Variants in SCAF1 observed in about 807,000 individuals in gnomAD.
SCAF1 encodes the protein SR-related CTD associated factor 1.
Under a neutral mutation model 91.2 loss-of-function variants are expected in SCAF1, and 28 were observed. The observed-to-expected ratio is 0.31, with a 90% CI of 0.23 to 0.42. SCAF1 has a LOEUF of 0.42. SCAF1 is among the 10% of genes least tolerant of loss of function. The probability of loss-of-function intolerance (pLI) is 1.00; values close to 1 mark genes in which losing one functional copy is unlikely to be tolerated. For synonymous variants in SCAF1, 1,036 were observed against 833.7 expected, an observed-to-expected ratio of 1.24 and a Z score of -4.18; for missense variants, 1,893 against 1,872.1, an observed-to-expected ratio of 1.01 and a Z score of -0.21.
At position 49,642,670 on chromosome 19, in the gene SCAF1, C is replaced by A. The variant is rs1220970704; in HGVS notation, c.-7+428C>A. The A allele has an allele frequency of 6.6e-6, 1 of 152,320 alleles. No individual in the cohort carries two copies. Among genetic ancestry groups the A allele is most frequent in the Non-Finnish European group, 1.5e-5 (1 of 68,116 alleles). 9.4% of individuals were successfully genotyped at this position (152,320 alleles called of 1,614,324 possible). A position where few individuals can be genotyped will look rare whatever the true frequency, so the allele number is the denominator to read the frequency against. On this transcript the variant is annotated intron_variant, in intron 1 of 10. Transcript: ENST00000360565. This position sits in a 1 kb window ranked among gnomAD's most constrained non-coding sequence, Gnocchi z 4.0. The stretch of plus-strand genomic sequence containing the variant: ...CAGGGGTGAAGGAGGGTCTGCAAGA[C>A]CTGAAGAGTATCTTCAGAGCCATCT...
chr19:49,649,867 A>G (rs948735287), intron 6 of SCAF1, among the ~76,000 whole-genome samples: 7 of 152,172 alleles, frequency 4.6e-5, no homozygotes, highest in African/African-American at 1.7e-4. Flanking sequence ...ACATTGATCC[A>G]CTTGCCTGTG....
rs1568445133 is a variant in SCAF1, at chr19:49,653,284, CGGG to C, written c.2897_2899del (p.Gly966del). 1 of 1,469,518 alleles carries C rather than the reference CGGG, an allele frequency of 6.8e-7. No homozygotes were observed. The highest frequency in any genetic ancestry group is 2.6e-5 in the Admixed American group (1 of 38,230). 91.0% of individuals were successfully genotyped at this position (1,469,518 alleles called of 1,614,324 possible). A position where few individuals can be genotyped will look rare whatever the true frequency, so the allele number is the denominator to read the frequency against. ...AGGGGGCGGAGGAGACTTCCTGGTC[CGGG>C]GAGGAGCGGGCAGCCAAGGTTCCTA... On this transcript the variant is annotated inframe_deletion, in exon 7 of 11. Coordinates refer to ENST00000360565, the MANE Select transcript of SCAF1 (RefSeq NM_021228.3).
In SCAF1 at chr19:49,652,861, C is replaced by G. The variant is rs367769230; in HGVS notation, c.2472C>G (p.Ser824=). The part of the protein sequence containing the change: ...SSGSGSSSSS[S]SCSSRKVKLQ... Reference sequence around the variant, plus strand: ...GCTCAGGCTCTTCATCCTCGTCGTCCTCCTGTTCTTCCCGGAAGGTGAAGC... The same window carrying G: ...GCTCAGGCTCTTCATCCTCGTCGTCGTCCTGTTCTTCCCGGAAGGTGAAGC... The change falls in exon 7 of 11, where the codon TCC becomes TCG. Residue 824 remains serine (S), a synonymous_variant. Coordinates refer to ENST00000360565, the MANE Select transcript of SCAF1 (RefSeq NM_021228.3). 80 of 1,613,948 alleles carry G rather than the reference C, an allele frequency of 5.0e-5. No individual in the cohort carries two copies. Among genetic ancestry groups the G allele is most frequent in the Middle Eastern group, 1.6e-4 (1 of 6,084 alleles).
chr19:49,649,890 G>A (rs940188214), intron 6 of SCAF1, among the ~76,000 whole-genome samples: 1 of 152,204 alleles, frequency 6.6e-6, no homozygotes, highest in African/African-American at 2.4e-5. Flanking sequence ...CATGTGGCTG[G>A]TGAGGGCCAG....
chr19:49,654,515 C>T (rs2081126082), intron 8 of SCAF1, 84 bp downstream of exon 8: 2 of 1,436,248 alleles, frequency 1.4e-6, no homozygotes, highest in African/African-American at 2.8e-5. Context: ...GGCCTGGCAG[C>T]TCTGGGGCAA....
upstream of SCAF1, among the ~76,000 whole-genome samples, chr19:49,641,578 A>G (rs2081026303): frequency 1.3e-5 from 2 of 152,082 alleles, no homozygotes; most frequent in Non-Finnish European, 2.9e-5. Flanking sequence ...CGGCCTCCCA[A>G]AGTGCTGGGA....
At position 49,646,013 on chromosome 19, in the gene SCAF1, C is replaced by T; in HGVS notation, c.167-95C>T. On this transcript the variant is annotated intron_variant, in intron 3 of 10. Coordinates refer to ENST00000360565, the MANE Select transcript of SCAF1 (RefSeq NM_021228.3). This position sits in a 1 kb window ranked among gnomAD's most constrained non-coding sequence, Gnocchi z 5.6. ...GAGAGCATGCGGGAGGCTGGTTCCG[C>T]TGTCAGGAACTAGATCAAGCTCCTC... 4.3e-6 allele frequency: 5 copies of T among 1,165,500 alleles called. No homozygotes were observed. Among genetic ancestry groups the T allele is most frequent in the Non-Finnish European group, 6.3e-6 (5 of 790,482 alleles). The allele number at this position is 1,165,500 out of a possible 1,614,324, so 72.2% of individuals were successfully genotyped here. A position where few individuals can be genotyped will look rare whatever the true frequency, so the allele number is the denominator to read the frequency against.
chr19:49,651,586 G>T lies in SCAF1; in HGVS notation c.1197G>T (p.Pro399=). 6.5e-7 allele frequency: 1 copy of T among 1,542,674 alleles called. No individual in the cohort carries two copies. The highest frequency in any genetic ancestry group is 8.7e-7 in the Non-Finnish European group (1 of 1,145,050). Reference sequence around the variant, plus strand: ...TCGAGGAAGGGGAGATCGTCCAGCCGGAGGAGGAGCCCAGGCTGGCGCTGT... The same window carrying T: ...TCGAGGAAGGGGAGATCGTCCAGCCTGAGGAGGAGCCCAGGCTGGCGCTGT... ...SEIEEGEIVQ[P]EEEPRLALSL... Residue 399 remains proline (P), a synonymous_variant, in exon 7 of 11, where the codon CCG becomes CCT. Transcript: ENST00000360565.
At chr19:49,657,314 C>T (rs1236012349) in intron 9 of SCAF1, among the ~76,000 whole-genome samples, 1 of 152,014 alleles carries the variant, frequency 6.6e-6, no homozygotes, top group Non-Finnish European at 1.5e-5. Context: ...CCCCTCCATC[C>T]CCTGGGTGAC....
Position 49,646,055 on chromosome 19 carries a change from A to G in SCAF1, c.167-53A>G. On this transcript the variant is annotated intron_variant, in intron 3 of 10. Coordinates refer to ENST00000360565, the MANE Select transcript of SCAF1 (RefSeq NM_021228.3). The surrounding 1 kb of genome is among the most constrained non-coding windows in gnomAD (Gnocchi z 5.6). Reference sequence around the variant, plus strand: ...AAGCTCCTCTTTCCTCTACCCCGCAAGTCTCTGCAGCAAGTCCCCTGTGTC... The same window carrying G: ...AAGCTCCTCTTTCCTCTACCCCGCAGGTCTCTGCAGCAAGTCCCCTGTGTC... 6.6e-7 allele frequency: 1 copy of G among 1,516,670 alleles called. No homozygotes were observed. The highest frequency in any genetic ancestry group is 9.1e-7 in the Non-Finnish European group (1 of 1,095,260). 94.0% of individuals were successfully genotyped at this position (1,516,670 alleles called of 1,614,324 possible). A position where few individuals can be genotyped will look rare whatever the true frequency, so the allele number is the denominator to read the frequency against.
Position 49,651,779 on chromosome 19 carries a change from G to C in SCAF1, c.1390G>C (p.Gly464Arg), listed in dbSNP as rs2081092711. The part of the protein sequence containing the change: ...DGEGALQVDL[G>R]EPAPAPPAAD... ...CGAGGGCGCCCTGCAGGTGGACCTA[G>C]GGGAGCCGGCTCCCGCGCCGCCCGC... The change falls in exon 7 of 11, where the codon GGG becomes CGG. Residue 464 changes from glycine (G) to arginine (R), a missense_variant. Around this residue, in one of 5 missense-constraint regions of SCAF1, gnomAD observed 1,436 missense variants for 1,306.8 expected, o/e 1.10. Transcript: ENST00000360565. 7.7e-7 allele frequency: 1 copy of C among 1,301,318 alleles called. No individual in the cohort carries two copies. The highest frequency in any genetic ancestry group is 9.7e-7 in the Non-Finnish European group (1 of 1,028,280). 80.6% of individuals were successfully genotyped at this position (1,301,318 alleles called of 1,614,324 possible).
Position 49,651,420 on chromosome 19 carries a change from C to G in SCAF1, c.1031C>G (p.Ala344Gly), listed in dbSNP as rs1471704974. The G allele has an allele frequency of 6.2e-7, 1 of 1,605,008 alleles. No homozygotes were observed. The highest frequency in any genetic ancestry group is 1.7e-5 in the Admixed American group (1 of 59,380). The change falls in exon 7 of 11, where the codon GCT becomes GGT. Residue 344 changes from alanine to glycine, a missense_variant. Physicochemically the swap from Ala to Gly is moderately conservative, Grantham distance 60. Transcript: ENST00000360565. ...CCGCCCCAGGTGGACTCCACCCGGG[C>G]TGATGGAGCCATGCGCCGGCGGGTC... ...GTPPQVDSTR[A>G]DGAMRRRVFV...
Position 49,652,755 on chromosome 19 carries a change from A to T in SCAF1, c.2366A>T (p.Asp789Val), listed in dbSNP as rs766663263. Residue 789 changes from aspartate to valine, a missense_variant, in exon 7 of 11, where the codon GAC becomes GTC. Physicochemically the swap from Asp to Val is radical, Grantham distance 152. This residue lies in a region of SCAF1 where 1,436 missense variants were observed against 1,306.8 expected (regional missense o/e 1.10). Transcript: ENST00000360565. ...DRDRDRDRDR[D>V]RSSKKARPPK... ...GACAGGGACAGAGATAGGGACAGGG[A>T]CAGGTCATCCAAGAAGGCCCGGCCC... 10 of 1,611,086 alleles carry T rather than the reference A, an allele frequency of 6.2e-6. No homozygotes were observed. Among genetic ancestry groups the T allele is most frequent in the Non-Finnish European group, 8.5e-6 (10 of 1,178,990 alleles).
chr19:49,650,925 C>T lies in SCAF1; in HGVS notation c.536C>T (p.Thr179Met), dbSNP rs752542524. The T allele has an allele frequency of 1.1e-5, 17 of 1,606,704 alleles. No individual in the cohort carries two copies. The highest frequency in any genetic ancestry group is 1.3e-5 in the African/African-American group (1 of 74,712). The stretch of plus-strand genomic sequence containing the variant: ...TGTGCCCGTCACCTCACCTTGGGCA[C>T]GGGAGACGGGGGCCCTGCCCCACCC... ...PTCARHLTLG[T>M]GDGGPAPPPA... Residue 179 changes from threonine (T) to methionine (M), a missense_variant, in exon 7 of 11, where the codon ACG becomes ATG. This residue lies in a region of SCAF1 where 270 missense variants were observed against 292.5 expected (regional missense o/e 0.92). Transcript: ENST00000360565.
At position 49,646,577 on chromosome 19, in the gene SCAF1, G is replaced by C. The variant is rs746761226; in HGVS notation, c.313G>C (p.Asp105His). Residue 105 changes from aspartate to histidine, a missense_variant, in exon 5 of 11, where the codon GAT becomes CAT. Transcript: ENST00000360565. This position sits in a 1 kb window ranked among gnomAD's most constrained non-coding sequence, Gnocchi z 5.6. The part of the protein sequence containing the change: ...SFLAGLVSVL[D>H]PPDTWVPSRL... ...CCTCGCAGGGCTGGTGAGTGTCCTG[G>C]ATCCCCCGGATACCTGGGTTCCCAG... 49 of 1,614,006 alleles carry C rather than the reference G, an allele frequency of 3.0e-5. No individual in the cohort carries two copies. Among genetic ancestry groups the C allele is most frequent in the Non-Finnish European group, 4.2e-5 (49 of 1,180,038 alleles).
In SCAF1 at chr19:49,658,454, G is replaced by GGCTCCACC; in HGVS notation, c.*56_*63dup. On this transcript the variant is annotated 3_prime_UTR_variant, in exon 11 of 11. Transcript: ENST00000360565. The stretch of plus-strand genomic sequence containing the variant: ...TCTTTGAAACTCTGGACGTATTTAT[G>GGCTCCACC]GCTCCACCTCCCCACCTCCCTCCCC... The GGCTCCACC allele has an allele frequency of 1.0e-6, 1 of 985,222 alleles. No homozygotes were observed. The highest frequency in any genetic ancestry group is 1.5e-6 in the Non-Finnish European group (1 of 671,986). The allele number at this position is 985,222 out of a possible 1,614,324, so 61.0% of individuals were successfully genotyped here.
rs1424146574 is a variant in SCAF1 at position 49,652,279 on chromosome 19, C to G, written c.1890C>G (p.His630Gln). The change falls in exon 7 of 11, where the codon CAC (histidine) becomes CAG (glutamine). Residue 630 changes from histidine to glutamine, a missense_variant. Coordinates refer to ENST00000360565, the MANE Select transcript of SCAF1 (RefSeq NM_021228.3). ...SSSSSSRRER[H>Q]RGKHRDGGGS... ...CGTCGTCCTCGAGGCGCGAGCGGCA[C>G]CGCGGGAAACACCGGGACGGTGGCG... The G allele has an allele frequency of 3.3e-6, 5 of 1,509,236 alleles. No homozygotes were observed. The highest frequency in any genetic ancestry group is 3.5e-6 in the Non-Finnish European group (4 of 1,132,716). 93.5% of individuals were successfully genotyped at this position (1,509,236 alleles called of 1,614,324 possible). A position where few individuals can be genotyped will look rare whatever the true frequency, so the allele number is the denominator to read the frequency against.
Position 49,651,551 on chromosome 19 carries a change from G to C in SCAF1, c.1162G>C (p.Asp388His). ...CCCGCCGCCCCTGCTGCCGCCCGGCGACTCGGAGATCGAGGAAGGGGAGAT... is the reference window on the plus strand; with the variant it reads ...CCCGCCGCCCCTGCTGCCGCCCGGCCACTCGGAGATCGAGGAAGGGGAGAT... ...ALPPPLLPPG[D>H]SEIEEGEIVQ... Residue 388 changes from aspartate to histidine, a missense_variant, in exon 7 of 11, where the codon GAC becomes CAC. Around this residue, in one of 5 missense-constraint regions of SCAF1, gnomAD observed 1,436 missense variants for 1,306.8 expected, o/e 1.10. Transcript: ENST00000360565. 2.6e-6 allele frequency: 4 copies of C among 1,559,098 alleles called. No individual in the cohort carries two copies. The highest frequency in any genetic ancestry group is 2.6e-6 in the Non-Finnish European group (3 of 1,153,470).
At position 49,652,264 on chromosome 19, in the gene SCAF1, G is replaced by A; in HGVS notation, c.1875G>A (p.Ser625=). ...CGGCCACTTCCTCATCGTCGTCCTCGAGGCGCGAGCGGCACCGCGGGAAAC... is the reference window on the plus strand; with the variant it reads ...CGGCCACTTCCTCATCGTCGTCCTCAAGGCGCGAGCGGCACCGCGGGAAAC... ...PPPATSSSSS[S]RRERHRGKHR... The change falls in exon 7 of 11, where the codon TCG becomes TCA. Residue 625 remains serine (S), a synonymous_variant. Coordinates refer to ENST00000360565, the MANE Select transcript of SCAF1 (RefSeq NM_021228.3). 2 of 1,450,690 alleles carry A rather than the reference G, an allele frequency of 1.4e-6. No individual in the cohort carries two copies. Among genetic ancestry groups the A allele is most frequent in the East Asian group, 2.8e-5 (1 of 35,166 alleles). The allele number at this position is 1,450,690 out of a possible 1,614,324, so 89.9% of individuals were successfully genotyped here.
Sources: allele counts gnomAD v4.1 joint callset (sites outside exome capture counted in the v4.1 genomes callset), GRCh38; gene constraint gnomAD v4.1.1; regional missense constraint gnomAD v4.1.1; non-coding constraint Gnocchi (gnomAD v3.1); transcripts MANE v1.5; gene names NCBI Gene and HGNC (gene_info 2026-07-23, HGNC 2026-07-21).